The following GBP6 variants were observed in gnomAD, a reference collection of about 807,000 sequenced individuals.
GBP6 encodes guanylate binding protein family member 6.
Under a neutral mutation model 61.5 loss-of-function variants are expected in GBP6, and 54 were observed. The ratio of observed to expected loss-of-function variants is 0.88; its 90% CI spans 0.71 to 1.10. GBP6 has a LOEUF of 1.10. Ranked by LOEUF, GBP6 falls within the 50% of genes least tolerant of loss-of-function variation. The probability of loss-of-function intolerance (pLI) is 0.00; values close to 1 mark genes in which losing one functional copy is unlikely to be tolerated. For missense variants in GBP6, 748 were observed against 752.8 expected (o/e 0.99, Z 0.07); for synonymous variants, 255 against 273.7 (o/e 0.93, Z 0.67).
At chr1:89,381,508 A>C (rs986318835) in intron 6 of GBP6, among the ~76,000 whole-genome samples, 186 bp from the exon 7 acceptor site, 3 of 152,156 alleles carry the variant, frequency 2.0e-5, no homozygotes, top group African/African-American at 7.2e-5. Context: ...CTGGAGATCC[A>C]TAAAATTGAA....
At chr1:89,380,009 AC>A (rs1308965674) in intron 5 of GBP6, among the ~76,000 whole-genome samples, 3 of 152,158 alleles carry the variant, frequency 2.0e-5, no homozygotes, top group African/African-American at 4.8e-5. Flanking sequence ...GTCATGGTGC[AC>A]ACCTGTAGTC....
Position 89,387,661 on chromosome 1 carries a change from A to G in GBP6, c.*2192A>G, listed in dbSNP as rs1335982068. ...GTTTAAAGGCTATGAGGCCAGGTGC[A>G]GTGGCTCACGCCTATAATCTCAGCA... On this transcript the variant is annotated 3_prime_UTR_variant, in exon 11 of 11. Coordinates refer to ENST00000370456, the MANE Select transcript of GBP6 (RefSeq NM_198460.3). Among the ~76,000 whole-genome samples, 13 of 152,222 alleles carry G rather than the reference A, an allele frequency of 8.5e-5. No individual in the cohort carries two copies. Among genetic ancestry groups the G allele is most frequent in the Non-Finnish European group, 1.9e-4 (13 of 68,028 alleles).
chr1:89,387,121 G>C lies in GBP6; in HGVS notation c.*1652G>C, dbSNP rs1036006179. Among the ~76,000 whole-genome samples, 2 of 152,116 alleles carry C rather than the reference G, an allele frequency of 1.3e-5. No homozygotes were observed. Among genetic ancestry groups the C allele is most frequent in the Non-Finnish European group, 2.9e-5 (2 of 68,024 alleles). ...AGACCCTGAACTCAGTTGGAGTGGA[G>C]GGCAGTACCCCAGGAAAGGACACTG... On this transcript the variant is annotated 3_prime_UTR_variant, in exon 11 of 11. Transcript: ENST00000370456.
chr1:89,377,724 C>A (rs1652845091), intron 3 of GBP6, among the ~76,000 whole-genome samples: 1 of 152,146 alleles, frequency 6.6e-6, no homozygotes. Context: ...AATATAATTA[C>A]AATCCCCAGT....
At chr1:89,382,908 T>C (rs1164921314) in intron 8 of GBP6, 32 bp downstream of exon 8, 3 of 1,464,324 alleles carry the variant, frequency 2.0e-6, no homozygotes, top group Non-Finnish European at 2.9e-6. Context: ...GGGAAGTTTA[T>C]AGGATAGAGT....
rs377569785 is a variant in GBP6 at position 89,378,558 on chromosome 1, C to T, written c.570C>T (p.Asn190=). ...VRDFTLELKL[N]GHPITEDEYL... is the part of the protein sequence containing the mutation. ...ATTTCACTCTGGAGCTGAAGTTGAA[C>T]GGTCACCCTATCACAGAAGATGAAT... is the stretch of plus-strand genomic sequence containing the variant. The change falls in exon 5 of 11, where the codon AAC becomes AAT. Residue 190 remains asparagine, a synonymous_variant. Coordinates refer to ENST00000370456, the MANE Select transcript of GBP6 (RefSeq NM_198460.3). The T allele has an allele frequency of 1.1e-5, 18 of 1,613,864 alleles. No individual in the cohort carries two copies. Among genetic ancestry groups the T allele is most frequent in the African/African-American group, 6.7e-5 (5 of 74,896 alleles).
At chr1:89,379,576 A>G (rs1233528561) in intron 5 of GBP6, among the ~76,000 whole-genome samples, 1 of 152,212 alleles carries the variant, frequency 6.6e-6, no homozygotes, top group Non-Finnish European at 1.5e-5. Flanking sequence ...TATTCATTTT[A>G]CTTTCTATGT....
At chr1:89,374,030 T>C (rs1170927048) in intron 3 of GBP6, among the ~76,000 whole-genome samples, 2 of 152,088 alleles carry the variant, frequency 1.3e-5, no homozygotes, top group Admixed American at 6.6e-5. Flanking sequence ...CTGATCATTT[T>C]ATAAGGGGAT....
intron 1 of GBP6, among the ~76,000 whole-genome samples, chr1:89,368,172 T>C (rs1557536192): frequency 6.6e-6 from 1 of 152,174 alleles, no homozygotes; most frequent in Non-Finnish European, 1.5e-5. Context: ...GTGATATCAT[T>C]TGTGTATTTG....
chr1:89,382,681 G>T lies in GBP6; in HGVS notation c.1170G>T (p.Lys390Asn), dbSNP rs1453030222. ...QKKFMETTMN[K>N]KGDFLLQNEE... Reference sequence around the variant, plus strand: ...CCTTGCAGGAAACCACAATGAATAAGAAGGGGGATTTCTTGCTGCAGAATG... The same window carrying T: ...CCTTGCAGGAAACCACAATGAATAATAAGGGGGATTTCTTGCTGCAGAATG... The change falls in exon 8 of 11, where the codon AAG becomes AAT. Residue 390 changes from lysine (K) to asparagine (N), a missense_variant. Coordinates refer to ENST00000370456, the MANE Select transcript of GBP6 (RefSeq NM_198460.3). The T allele has an allele frequency of 6.2e-7, 1 of 1,613,932 alleles. No homozygotes were observed. The highest frequency in any genetic ancestry group is 1.7e-5 in the Admixed American group (1 of 60,002).
At chr1:89,383,255 C>T (rs1050971791) in intron 8 of GBP6, among the ~76,000 whole-genome samples, 1 of 152,072 alleles carries the variant, frequency 6.6e-6, no homozygotes. Flanking sequence ...GAACTTAGTA[C>T]CCAAGGATGA....
rs1336563958 is a variant in GBP6, at chr1:89,379,584, T to G, written c.626-802T>G. On this transcript the variant is annotated intron_variant, in intron 5 of 10. Transcript: ENST00000370456. ...GTCGGAATATTCATTTTACTTTCTA[T>G]GTTATGATTTTTCTCTTAAACCCAA... Among the ~76,000 whole-genome samples, 4 of 152,244 alleles carry G rather than the reference T, an allele frequency of 2.6e-5. No individual in the cohort carries two copies. The East Asian group carries it at 5.8e-4, about 22-fold the overall frequency.
At chr1:89,372,812 A>G (rs1652684053) in intron 3 of GBP6, among the ~76,000 whole-genome samples, 1 of 152,184 alleles carries the variant, frequency 6.6e-6, no homozygotes, top group Non-Finnish European at 1.5e-5. Context: ...AAATTGACAA[A>G]TGGGATCTAA....
At position 89,385,770 on chromosome 1, in the gene GBP6, T is replaced by C. The variant is rs1653126229; in HGVS notation, c.*301T>C. 4.5e-6 allele frequency: 1 copy of C among 221,044 alleles called. No individual in the cohort carries two copies. The allele number at this position is 221,044 out of a possible 1,614,324, so 13.7% of individuals were successfully genotyped here. A position where few individuals can be genotyped will look rare whatever the true frequency, so the allele number is the denominator to read the frequency against. On this transcript the variant is annotated 3_prime_UTR_variant, in exon 11 of 11. Coordinates refer to ENST00000370456, the MANE Select transcript of GBP6 (RefSeq NM_198460.3). The stretch of plus-strand genomic sequence containing the variant: ...CTGGTCTCGAACTCTTGACCTCAAA[T>C]GATCCACCCGCCTCGGCCTCCCAAA...
chr1:89,387,259 T>C lies in GBP6; in HGVS notation c.*1790T>C, dbSNP rs1355296458. 6.6e-6 allele frequency among the ~76,000 whole-genome samples: 1 copy of C among 152,056 alleles called. No homozygotes were observed. Among genetic ancestry groups the C allele is most frequent in the African/African-American group, 2.4e-5 (1 of 41,396 alleles). ...TAGGGAAATACAAACACCCAAATATTTCAAGGACCCTTGGAATCAGGATCC... is the reference window on the plus strand; with the variant it reads ...TAGGGAAATACAAACACCCAAATATCTCAAGGACCCTTGGAATCAGGATCC... On this transcript the variant is annotated 3_prime_UTR_variant, in exon 11 of 11. Coordinates refer to ENST00000370456, the MANE Select transcript of GBP6 (RefSeq NM_198460.3).
chr1:89,382,615 A>C, intron 7 of GBP6, 49 bp from the exon 8 acceptor site: 1 of 1,474,366 alleles, frequency 6.8e-7, no homozygotes, highest in Non-Finnish European at 9.5e-7. Flanking sequence ...TTAGAATTTC[A>C]TCTCCTCCAT....
chr1:89,383,442 TA>T (rs1653044369), intron 8 of GBP6, among the ~76,000 whole-genome samples: 1 of 152,086 alleles, frequency 6.6e-6, no homozygotes, highest in Non-Finnish European at 1.5e-5. Context: ...AGGGAGATAT[TA>T]CAGCAGTGGG....
intron 5 of GBP6, among the ~76,000 whole-genome samples, 180 bp from the exon 6 acceptor site, chr1:89,380,206 A>T (rs1652925817): frequency 6.6e-6 from 1 of 152,258 alleles, no homozygotes; most frequent in Non-Finnish European, 1.5e-5. Context: ...ACTAAAAAAT[A>T]GCTAACATTA....
chr1:89,367,038 T>A (rs1029569621), intron 1 of GBP6, among the ~76,000 whole-genome samples: 3 of 152,252 alleles, frequency 2.0e-5, no homozygotes, highest in African/African-American at 7.2e-5. Flanking sequence ...TACAACATTT[T>A]GTTCATCTAT....
Sources: gnomAD v4.1 joint callset for allele counts (sites outside exome capture counted in the v4.1 genomes callset) on GRCh38, gnomAD v4.1.1 for gene constraint, MANE v1.5 for transcripts, NCBI Gene and HGNC (gene_info 2026-07-23, HGNC 2026-07-21) for gene names.